Variants in ESRP1 observed in about 807,000 individuals in gnomAD.
ESRP1 encodes the protein epithelial splicing regulatory protein 1, also known as RNA-binding motif protein 35A.
Under a neutral mutation model 81.7 loss-of-function variants are expected in ESRP1, and 33 were observed. The observed-to-expected ratio is 0.40, with a 90% CI of 0.31 to 0.54. The LOEUF (loss-of-function observed/expected upper bound fraction) is 0.54, where lower values mean the gene tolerates loss of function less well. ESRP1 is among the 20% of genes least tolerant of loss of function. The pLI, the probability that ESRP1 is intolerant of heterozygous loss-of-function variation, is 0.41. For missense variants in ESRP1, 672 were observed against 833.1 expected (o/e 0.81, Z 2.38); for synonymous variants, 320 against 303.3 (o/e 1.06, Z -0.57).
chr8:94,648,406 A>T (rs1006832616), intron 4 of ESRP1, among the ~76,000 whole-genome samples: 1 of 152,224 alleles, frequency 6.6e-6, no homozygotes, highest in East Asian at 1.9e-4. Flanking sequence ...TTTTATGACT[A>T]CTATTCAGAG....
At chr8:94,656,077 C>T (rs1384137757) in intron 4 of ESRP1, 1 of 151,536 alleles carries the variant, frequency 6.6e-6, no homozygotes, top group Non-Finnish European at 1.5e-5. Flanking sequence ...GGAGGGTTGC[C>T]TAAGGTGGGG....
At chr8:94,661,042 CTGT>C (rs1214623018) in intron 4 of ESRP1, among the ~76,000 whole-genome samples, 3 of 152,010 alleles carry the variant, frequency 2.0e-5, no homozygotes, top group East Asian at 3.9e-4. Context: ...CAAAGTTGTT[CTGT>C]TGTTTTTTAT....
chr8:94,678,443 A>AAC, intron 13 of ESRP1, 72 bp downstream of exon 13: 1 of 1,522,510 alleles, frequency 6.6e-7, no homozygotes, highest in South Asian at 1.2e-5. Flanking sequence ...GCAAGAGCTC[A>AAC]CAAAAGAATA....
Position 94,642,802 on chromosome 8 carries a change from G to T in ESRP1, c.262-501G>T, listed in dbSNP as rs115423890. On this transcript the variant is annotated intron_variant, in intron 2 of 15. Coordinates refer to ENST00000433389, the MANE Select transcript of ESRP1 (RefSeq NM_017697.4). ...ACCTGTGCACAGATGAATGCTCTGC[G>T]TTCTCACGACCTCTGCCCTAGCACA... Among the ~76,000 whole-genome samples the T allele has an allele frequency of 9.9e-3, 1,501 of 152,230 alleles. 21 individuals carry two copies. Among genetic ancestry groups the T allele is most frequent in the African/African-American group, 0.034 (1,427 of 41,528 alleles).
At position 94,646,198 on chromosome 8, in the gene ESRP1, T is replaced by C. The variant is rs1393113780; in HGVS notation, c.406T>C (p.Phe136Leu). ...ACTATTACCTGAATGCTTCTATTCC[T>C]TTTTTGATCTTCGAAAAGAATTCAA... ...NVLLPECFYS[F>L]FDLRKEFKKC... The change falls in exon 4 of 16, where the codon TTT becomes CTT. Residue 136 changes from phenylalanine (F) to leucine (L), a missense_variant. Physicochemically the swap from Phe to Leu is conservative, Grantham distance 22. Transcript: ENST00000433389. 5 of 1,608,394 alleles carry C rather than the reference T, an allele frequency of 3.1e-6. No individual in the cohort carries two copies. The highest frequency in any genetic ancestry group is 4.3e-6 in the Non-Finnish European group (5 of 1,175,854).
chr8:94,668,878 C>T lies in ESRP1; in HGVS notation c.1233+628C>T, dbSNP rs561498753. ...CGCAATCTCTGCTCACTGCAACCTCCGCCTACCCCAGTTGAAGCAATTGTC... is the reference window on the plus strand; with the variant it reads ...CGCAATCTCTGCTCACTGCAACCTCTGCCTACCCCAGTTGAAGCAATTGTC... On this transcript the variant is annotated intron_variant, in intron 10 of 15. Transcript: ENST00000433389. Among the ~76,000 whole-genome samples, 6 of 150,554 alleles carry T rather than the reference C, an allele frequency of 4.0e-5. 1 individual carries two copies. The highest frequency in any genetic ancestry group is 7.4e-5 in the African/African-American group (3 of 40,692).
chr8:94,661,065 CAG>C (rs1554576795), intron 4 of ESRP1, among the ~76,000 whole-genome samples: 3 of 152,100 alleles, frequency 2.0e-5, no homozygotes, highest in South Asian at 2.1e-4. Flanking sequence ...TTTTTGGAGA[CAG>C]AGTCTACCTC....
chr8:94,671,387 T>G (rs1819316767), intron 10 of ESRP1, 66 bp from the exon 11 acceptor site: 1 of 1,388,606 alleles, frequency 7.2e-7, no homozygotes, highest in Non-Finnish European at 9.9e-7. Context: ...GTGATGCCAT[T>G]GCTGATCTGC....
chr8:94,700,182 G>T (rs1342697577), intron 15 of ESRP1, among the ~76,000 whole-genome samples: 1 of 152,204 alleles, frequency 6.6e-6, no homozygotes, highest in Non-Finnish European at 1.5e-5. Context: ...GCATGGCAAA[G>T]TGCTTCCAGT....
chr8:94,665,215 A>G lies in ESRP1; in HGVS notation c.931+19A>G. ...GCTGGTGGTAAGTGCCTTTTACATA[A>G]TGTGGCTTTAGTTAATAAGAATCTA... On this transcript the variant is annotated intron_variant, in intron 9 of 15. Transcript: ENST00000433389. 1 of 1,608,992 alleles carries G rather than the reference A, an allele frequency of 6.2e-7. No homozygotes were observed. Among genetic ancestry groups the G allele is most frequent in the Non-Finnish European group, 8.5e-7 (1 of 1,177,558 alleles).
chr8:94,652,870 G>A (rs1402380048), intron 4 of ESRP1, among the ~76,000 whole-genome samples: 4 of 152,132 alleles, frequency 2.6e-5, no homozygotes, highest in Admixed American at 6.6e-5. Flanking sequence ...GAGGCTTAGA[G>A]GCTTTGTCTT....
Position 94,643,323 on chromosome 8 carries a change from T to A in ESRP1, c.282T>A (p.Asn94Lys). 6.2e-7 allele frequency: 1 copy of A among 1,611,940 alleles called. No individual in the cohort carries two copies. The highest frequency in any genetic ancestry group is 8.5e-7 in the Non-Finnish European group (1 of 1,178,022). The change falls in exon 3 of 16, where the codon AAT becomes AAA. Residue 94 changes from asparagine (N) to lysine (K), a missense_variant. Asn to Lys is a moderately conservative substitution (Grantham distance 94). Coordinates refer to ENST00000433389, the MANE Select transcript of ESRP1 (RefSeq NM_017697.4). ...TGCAGTTTAACCAGTCAGTGAGCAA[T>A]GAACTGAATATTGGAGTAGGGACTT... ...ALRQFNQSVSNELNIGVGTSF... is the reference protein window; with the variant it reads ...ALRQFNQSVSKELNIGVGTSF...
chr8:94,692,555 C>A, intron 13 of ESRP1, 122 bp from the exon 14 acceptor site: 2 of 1,038,280 alleles, frequency 1.9e-6, no homozygotes, highest in Non-Finnish European at 2.8e-6. Flanking sequence ...GGAAAGACAG[C>A]TCTGAGAAGT....
chr8:94,696,215 G>A lies in ESRP1; in HGVS notation c.1972-637G>A, dbSNP rs146550928. Among the ~76,000 whole-genome samples the A allele has an allele frequency of 1.8e-3, 279 of 152,304 alleles. 2 individuals are homozygous for A. The highest frequency in any genetic ancestry group is 3.1e-3 in the Non-Finnish European group (214 of 68,016). On this transcript the variant is annotated intron_variant, in intron 14 of 15. Transcript: ENST00000433389. ...CCATAAACGTGTGTATATTTTAGAT[G>A]ATGTGTTTTCATACTGAATGGACTC...
intron 13 of ESRP1, among the ~76,000 whole-genome samples, chr8:94,685,500 C>T (rs1482314004): frequency 2.6e-5 from 4 of 151,814 alleles, no homozygotes; most frequent in Non-Finnish European, 5.9e-5. Context: ...ACAGTGAGAC[C>T]CTGTCTCAGA....
At chr8:94,666,052 G>A (rs1364731947) in intron 9 of ESRP1, among the ~76,000 whole-genome samples, 6 of 152,288 alleles carry the variant, frequency 3.9e-5, no homozygotes, top group South Asian at 4.1e-4. Flanking sequence ...TGCATAAAAC[G>A]TTGACTGCTT....
chr8:94,647,612 C>A (rs865924844), intron 4 of ESRP1, among the ~76,000 whole-genome samples: 53 of 152,130 alleles, frequency 3.5e-4, no homozygotes, highest in African/African-American at 1.3e-3. Flanking sequence ...ACCCCTCCAC[C>A]CTTTGACCAT....
chr8:94,668,588 C>T (rs1053374272), intron 10 of ESRP1, among the ~76,000 whole-genome samples: 1 of 152,168 alleles, frequency 6.6e-6, no homozygotes, highest in African/African-American at 2.4e-5. Flanking sequence ...CTCTAGTGTA[C>T]ACTTAGATTG....
Position 94,707,351 on chromosome 8 carries a change from C to A in ESRP1, c.*1462C>A, listed in dbSNP as rs2130756013. 6.6e-6 allele frequency: 1 copy of A among 152,202 alleles called. No individual in the cohort carries two copies. The highest frequency in any genetic ancestry group is 1.9e-4 in the East Asian group (1 of 5,172). 9.4% of individuals were successfully genotyped at this position (152,202 alleles called of 1,614,324 possible). ...TCTGTATACTTGATGCCTTAAGATG[C>A]CCAAAGCTGCCCAAAGCTCTGAAAG... On this transcript the variant is annotated 3_prime_UTR_variant, in exon 16 of 16. Coordinates refer to ENST00000433389, the MANE Select transcript of ESRP1 (RefSeq NM_017697.4).
Sources: allele counts gnomAD v4.1 joint callset (sites outside exome capture counted in the v4.1 genomes callset), GRCh38; gene constraint gnomAD v4.1.1; transcripts MANE v1.5; gene names NCBI Gene and HGNC (gene_info 2026-07-23, HGNC 2026-07-21).